The following KCNQ4 variants were observed in gnomAD, a reference collection of about 807,000 sequenced individuals.
KCNQ4 encodes potassium voltage-gated channel subfamily Q member 4.
Under a neutral mutation model 72.6 loss-of-function variants are expected in KCNQ4, and 31 were observed. The ratio of observed to expected loss-of-function variants is 0.43; its 90% CI spans 0.32 to 0.58. The LOEUF is 0.58. KCNQ4 is among the 20% of genes least tolerant of loss of function. The probability of loss-of-function intolerance (pLI) is 0.08; values close to 1 mark genes in which losing one functional copy is unlikely to be tolerated. For missense variants in KCNQ4, 869 were observed against 962.6 expected (o/e 0.90, Z 1.29); for synonymous variants, 405 against 403.7 (o/e 1.00, Z -0.04).
rs1648401825 is a variant in KCNQ4 at position 40,824,176 on chromosome 1, G to T, written c.1210G>T (p.Val404Leu). ...GCCCCTGGAGGTGCGGCGGGCGCCG[G>T]TACCCGACGGAGCACCCTCCCGTTA... The part of the protein sequence containing the change: ...LRPLEVRRAP[V>L]PDGAPSRYPP... Residue 404 changes from valine to leucine, a missense_variant, in exon 9 of 14, where the codon GTA (valine) becomes TTA (leucine). This residue lies in a region of KCNQ4 where 480 missense variants were observed against 501.9 expected (regional missense o/e 0.96). Coordinates refer to ENST00000347132, the MANE Select transcript of KCNQ4 (RefSeq NM_004700.4). 6.4e-7 allele frequency: 1 copy of T among 1,562,864 alleles called. No homozygotes were observed.
chr1:40,798,219 C>G (rs529706272), intron 1 of KCNQ4, among the ~76,000 whole-genome samples: 14 of 152,250 alleles, frequency 9.2e-5, no homozygotes, highest in African/African-American at 2.6e-4. Flanking sequence ...AGACCAGAAC[C>G]CAGGCTCAGT....
intron 1 of KCNQ4, among the ~76,000 whole-genome samples, chr1:40,789,215 G>A (rs955890691): frequency 1.4e-4 from 21 of 152,174 alleles, no homozygotes; most frequent in Admixed American, 6.5e-5. Context: ...GTCCTCGGGG[G>A]TCCTTTGATC....
intron 1 of KCNQ4, among the ~76,000 whole-genome samples, chr1:40,815,611 G>A (rs577611680): frequency 5.9e-5 from 9 of 152,240 alleles, no homozygotes; most frequent in Admixed American, 3.3e-4. Context: ...GGAACTGGCC[G>A]AGGAATAAGC....
rs771283894 is a variant in KCNQ4 at position 40,838,322 on chromosome 1, C to T, written c.1887C>T (p.Ile629=). The T allele has an allele frequency of 6.8e-6, 11 of 1,613,410 alleles. No homozygotes were observed. The East Asian group carries it at 1.6e-4, about 23-fold the overall frequency. Reference sequence around the variant, plus strand: ...CGCCCCGTCCCCAGGTGCAGTCCATCGAGCACAAGCTGGACCTGCTGTTGG... The same window carrying T: ...CGCCCCGTCCCCAGGTGCAGTCCATTGAGCACAAGCTGGACCTGCTGTTGG... The part of the protein sequence containing the change: ...VVKVEKQVQS[I]EHKLDLLLGF... Residue 629 remains isoleucine, a synonymous_variant, in exon 14 of 14, where the codon ATC becomes ATT. Transcript: ENST00000347132.
intron 1 of KCNQ4, among the ~76,000 whole-genome samples, chr1:40,808,364 C>T (rs776830769): frequency 6.6e-6 from 1 of 152,098 alleles, no homozygotes; most frequent in Non-Finnish European, 1.5e-5. Flanking sequence ...TAAATAAAAC[C>T]CTGAAATGCA....
rs765015347 is a variant in KCNQ4 at position 40,818,571 on chromosome 1, C to G, written c.599C>G (p.Thr200Arg). Residue 200 changes from threonine to arginine, a missense_variant, in exon 4 of 14, where the codon ACG becomes AGG. Physicochemically the swap from Thr to Arg is moderately conservative, Grantham distance 71. Transcript: ENST00000347132. Reference sequence around the variant, plus strand: ...GGTACCCAGGGCAACATCTTCGCCACGTCCGCGCTGCGCAGCATGCGCTTC... The same window carrying G: ...GGTACCCAGGGCAACATCTTCGCCAGGTCCGCGCTGCGCAGCATGCGCTTC... ...AAGTQGNIFA[T>R]SALRSMRFLQ... 8 of 1,604,976 alleles carry G rather than the reference C, an allele frequency of 5.0e-6. No homozygotes were observed. In the South Asian group the frequency reaches 7.7e-5, roughly 15 times the overall value.
intron 9 of KCNQ4, chr1:40,826,599 C>T (rs1438265485): frequency 2.2e-6 from 1 of 446,202 alleles, no homozygotes; most frequent in Non-Finnish European, 4.6e-6. Context: ...AGCCCCTTTC[C>T]CGCTAACCTC....
intron 9 of KCNQ4, among the ~76,000 whole-genome samples, chr1:40,830,113 C>T (rs1648592181): frequency 6.6e-6 from 1 of 152,136 alleles, no homozygotes; most frequent in African/African-American, 2.4e-5. Context: ...GAACCGGGAG[C>T]TCAGTAGGCA....
chr1:40,812,823 G>A (rs1647967025), intron 1 of KCNQ4, among the ~76,000 whole-genome samples: 1 of 152,120 alleles, frequency 6.6e-6, no homozygotes, highest in African/African-American at 2.4e-5. Context: ...TTGGTAACAT[G>A]GTGTTTTGAT....
intron 1 of KCNQ4, among the ~76,000 whole-genome samples, chr1:40,787,434 C>T (rs1360439096): frequency 1.3e-5 from 2 of 152,138 alleles, no homozygotes; most frequent in African/African-American, 2.4e-5. Flanking sequence ...AGCGCATTCG[C>T]CCTAGGGTAT....
chr1:40,824,063 C>A, intron 8 of KCNQ4, 34 bp from the exon 9 acceptor site: 1 of 1,548,788 alleles, frequency 6.5e-7, no homozygotes, highest in Non-Finnish European at 8.7e-7. Flanking sequence ...GGTGCCATGG[C>A]CCTGCCTGCC....
At chr1:40,822,222 G>A in intron 7 of KCNQ4, 92 bp from the exon 8 acceptor site, 1 of 1,090,670 alleles carries the variant, frequency 9.2e-7, no homozygotes, top group Non-Finnish European at 1.4e-6. Flanking sequence ...ACCCACAACT[G>A]GACCAAGGAC....
At chr1:40,802,879 A>G (rs534113185) in intron 1 of KCNQ4, among the ~76,000 whole-genome samples, 2 of 152,346 alleles carry the variant, frequency 1.3e-5, no homozygotes, top group South Asian at 4.1e-4. Context: ...TGAGAGGGAC[A>G]GTTAACTTGC....
At chr1:40,787,532 A>C (rs2148832292) in intron 1 of KCNQ4, among the ~76,000 whole-genome samples, 1 of 152,266 alleles carries the variant, frequency 6.6e-6, no homozygotes, top group Admixed American at 6.5e-5. Flanking sequence ...GATTGCCTAG[A>C]GTACAAGCCC....
chr1:40,806,394 T>C (rs1647760750), intron 1 of KCNQ4, among the ~76,000 whole-genome samples: 1 of 152,242 alleles, frequency 6.6e-6, no homozygotes, highest in Non-Finnish European at 1.5e-5. Flanking sequence ...CTGTGTCCTC[T>C]TTGTTCCACT....
At chr1:40,826,781 C>A in intron 9 of KCNQ4, 2 of 414,182 alleles carry the variant, frequency 4.8e-6, no homozygotes, top group South Asian at 1.7e-5. Context: ...GGGCCAAGGA[C>A]AAGGTGCATG....
chr1:40,807,070 G>T (rs1163507973), intron 1 of KCNQ4, among the ~76,000 whole-genome samples: 2 of 152,212 alleles, frequency 1.3e-5, no homozygotes, highest in African/African-American at 2.4e-5. Flanking sequence ...CCCAGGGGAA[G>T]GGATGCCTGT....
intron 1 of KCNQ4, among the ~76,000 whole-genome samples, chr1:40,804,006 G>T (rs1423582954): frequency 3.9e-5 from 6 of 152,170 alleles, no homozygotes; most frequent in Admixed American, 6.5e-5. Flanking sequence ...TGCCCTGGAA[G>T]TACTGAGAAC....
intron 9 of KCNQ4, 101 bp from the exon 10 acceptor site, chr1:40,830,983 C>A: frequency 1.0e-6 from 1 of 1,001,476 alleles, no homozygotes; most frequent in Non-Finnish European, 1.5e-6. Flanking sequence ...GGAATCCAGA[C>A]CTAATAGCCA....
Sources: allele counts gnomAD v4.1 joint callset (sites outside exome capture counted in the v4.1 genomes callset), GRCh38; gene constraint gnomAD v4.1.1; regional missense constraint gnomAD v4.1.1; transcripts MANE v1.5; gene names NCBI Gene and HGNC (gene_info 2026-07-23, HGNC 2026-07-21).